The following TTN variants were observed in gnomAD, a reference collection of about 807,000 sequenced individuals.
TTN encodes connectin.
In TTN, 1,525 loss-of-function variants were observed where a neutral mutation model predicts 3,223.0. The ratio of observed to expected loss-of-function variants is 0.47; its 90% CI spans 0.45 to 0.49. The LOEUF (loss-of-function observed/expected upper bound fraction) is 0.49, where lower values mean the gene tolerates loss of function less well. Ranked by LOEUF, TTN falls within the 20% of genes least tolerant of loss-of-function variation. The probability of loss-of-function intolerance (pLI) is 0.00; values close to 1 mark genes in which losing one functional copy is unlikely to be tolerated. For synonymous variants in TTN, 14,094 were observed against 15,161.0 expected (o/e 0.93, Z 5.17); for missense variants, 40,786 against 43,424.0 (o/e 0.94, Z 5.40).
At chr2:178,797,268 T>C (rs2093816503) in intron 6 of TTN, among the ~76,000 whole-genome samples, 1 of 152,150 alleles carries the variant, frequency 6.6e-6, no homozygotes, top group Non-Finnish European at 1.5e-5. Context: ...CTGCTAGACA[T>C]GTTTTTTAAA....
chr2:178,551,955 A>G lies in TTN; in HGVS notation c.90945T>C (p.Ile30315=). The change falls in exon 335 of 363, where the codon ATT becomes ATC. Residue 30315 remains isoleucine, a synonymous_variant. Transcript: ENST00000589042. ...TCCTGAACTGGTGTTTTGCCACAAT[A>G]ATGCTTGAGACAAGTGGTTGGCTGA... is the stretch of plus-strand genomic sequence containing the variant. The part of the protein sequence containing the change: ...YGVSQPLVSS[I]IVAKHQFRIP... 1 of 1,612,552 alleles carries G rather than the reference A, an allele frequency of 6.2e-7. No homozygotes were observed. The highest frequency in any genetic ancestry group is 1.1e-5 in the South Asian group (1 of 91,038).
intron 200 of TTN, 39 bp downstream of exon 200, chr2:178,652,809 G>C: frequency 6.2e-7 from 1 of 1,607,184 alleles, no homozygotes; most frequent in Non-Finnish European, 8.5e-7. Flanking sequence ...AAGAATAGAG[G>C]AGTTTGATCT....
At chr2:178,582,690 C>G in intron 313 of TTN, 98 bp from the exon 314 acceptor site, 1 of 1,218,790 alleles carries the variant, frequency 8.2e-7, no homozygotes, top group Non-Finnish European at 1.1e-6. Flanking sequence ...TTGTCAATTT[C>G]CTATATGACC....
chr2:178,728,792 G>A lies in TTN; in HGVS notation c.19148-14C>T. 2.5e-6 allele frequency: 4 copies of A among 1,588,866 alleles called. No homozygotes were observed. The highest frequency in any genetic ancestry group is 1.7e-4 in the Middle Eastern group (1 of 5,938). On this transcript the variant is annotated splice_polypyrimidine_tract_variant and intron_variant, in intron 65 of 362. Transcript: ENST00000589042. Reference sequence around the variant, plus strand: ...TTTGAGCTGGTTCTGTAGTAAAAATGAAAATGTGGATGAGTTACATTGGTA... The same window carrying A: ...TTTGAGCTGGTTCTGTAGTAAAAATAAAAATGTGGATGAGTTACATTGGTA...
chr2:178,782,867 A>G lies in TTN; in HGVS notation c.3039T>C (p.Phe1013=), dbSNP rs764841674. The change falls in exon 18 of 363, where the codon TTT becomes TTC. Residue 1013 remains phenylalanine (F), a synonymous_variant. Coordinates refer to ENST00000589042, the MANE Select transcript of TTN (RefSeq NM_001267550.2). ...REAFAEDSGR[F]TCSAVNEAGT... is the part of the protein sequence containing the mutation. ...CAGCCTCATTTACAGCACTGCAAGT[A>G]AATCGCCCGCTGTCTTCCGCAAATG... 2 of 1,613,990 alleles carry G rather than the reference A, an allele frequency of 1.2e-6. No homozygotes were observed. The highest frequency in any genetic ancestry group is 3.3e-5 in the Admixed American group (2 of 60,022).
Position 178,548,159 on chromosome 2 carries a change from C to A in TTN, c.93467G>T (p.Gly31156Val). ...TGYLLEMRQK[G>V]SDFWVEAGHT... ...ACCAGCTTCAACCCAGAAGTCAGAT[C>A]CCTTTTGTCTCATTTCAAGCAGGTA... The change falls in exon 339 of 363, where the codon GGA (glycine) becomes GTA (valine). Residue 31156 changes from glycine to valine, a missense_variant. By Grantham distance (109) the Gly-to-Val change is moderately radical (BLOSUM62 -3). Coordinates refer to ENST00000589042, the MANE Select transcript of TTN (RefSeq NM_001267550.2). The surrounding 1 kb of genome is among the most constrained non-coding windows in gnomAD (Gnocchi z 4.3). The A allele has an allele frequency of 5.0e-6, 8 of 1,613,774 alleles. No individual in the cohort carries two copies. Among genetic ancestry groups the A allele is most frequent in the Non-Finnish European group, 6.8e-6 (8 of 1,179,788 alleles).
At chr2:178,794,785 T>C in intron 7 of TTN, 137 bp downstream of exon 7, 1 of 1,195,032 alleles carries the variant, frequency 8.4e-7, no homozygotes, top group Admixed American at 2.0e-5. Context: ...CTACTGAATT[T>C]GGTCTTCAGT....
Position 178,756,622 on chromosome 2 carries a change from T to G in TTN, c.10854A>C (p.Gln3618His), listed in dbSNP as rs79466278. ...YEVQVFESVSQSSIHTAASVQ... is the reference protein window; with the variant it reads ...YEVQVFESVSHSSIHTAASVQ... Reference sequence around the variant, plus strand: ...CAGATGCAGCTGTGTGGATGGAACTTTGAGATACACTTTCAAAAACCTGCA... The same window carrying G: ...CAGATGCAGCTGTGTGGATGGAACTGTGAGATACACTTTCAAAAACCTGCA... The change falls in exon 46 of 363, where the codon CAA becomes CAC. Residue 3618 changes from glutamine to histidine, a missense_variant. Coordinates refer to ENST00000589042, the MANE Select transcript of TTN (RefSeq NM_001267550.2). The G allele has an allele frequency of 6.0e-4, 970 of 1,613,682 alleles. 6 individuals carry two copies. The African/African-American group carries it at 0.011, about 19-fold the overall frequency.
intron 127 of TTN, among the ~76,000 whole-genome samples, chr2:178,686,483 T>C (rs1205785650): frequency 6.6e-6 from 1 of 151,860 alleles, no homozygotes; most frequent in African/African-American, 2.4e-5. Context: ...AGTGGTGTAA[T>C]CACAGCTCAC....
chr2:178,727,063 T>A, intron 69 of TTN, 27 bp downstream of exon 69: 1 of 1,418,840 alleles, frequency 7.0e-7, no homozygotes, highest in Non-Finnish European at 9.3e-7. Context: ...TTTCATTTAA[T>A]GAGAAACACA....
In TTN at chr2:178,688,742, CTCTTT is replaced by C. The variant is rs754654725; in HGVS notation, c.32127_32131del (p.Lys10710IlefsTer4). 1 of 1,613,594 alleles carries C rather than the reference CTCTTT, an allele frequency of 6.2e-7. No individual in the cohort carries two copies. Among genetic ancestry groups the C allele is most frequent in the East Asian group, 2.2e-5 (1 of 44,876 alleles). ...GGATAGTTTTTCTTCAGCAACAAAT[CTCTTT>C]TCTTCTACAACAGTTTTCTTAGAGA... On this transcript the variant is annotated frameshift_variant, in exon 126 of 363. Transcript: ENST00000589042. LOFTEE classifies it high-confidence loss of function.
chr2:178,729,949 A>T lies in TTN; in HGVS notation c.18308-4T>A. On this transcript the variant is annotated splice_polypyrimidine_tract_variant and splice_region_variant and intron_variant, in intron 62 of 362. Transcript: ENST00000589042. Reference sequence around the variant, plus strand: ...TTCTTAATGAATTGAGGAGGTTCTAAAGATGGAAAAAGAATTGTGATGTTG... The same window carrying T: ...TTCTTAATGAATTGAGGAGGTTCTATAGATGGAAAAAGAATTGTGATGTTG... The T allele has an allele frequency of 6.2e-7, 1 of 1,607,996 alleles. No homozygotes were observed. Among genetic ancestry groups the T allele is most frequent in the Non-Finnish European group, 8.5e-7 (1 of 1,177,702 alleles).
chr2:178,772,978 A>G, intron 33 of TTN, 131 bp downstream of exon 33: 1 of 1,186,430 alleles, frequency 8.4e-7, no homozygotes, highest in South Asian at 1.4e-5. Flanking sequence ...TGCAAGTACT[A>G]TTGGCTTTGG....
At chr2:178,742,107 TGCAAAATTATAGATACTGTACA>T (rs1184862733) in intron 47 of TTN, among the ~76,000 whole-genome samples, 186 bp from the exon 48 acceptor site, 1 of 152,082 alleles carries the variant, frequency 6.6e-6, no homozygotes, top group Non-Finnish European at 1.5e-5. Context: ...TATAAAATTA[TGCAAAATTATAGATACTGTACA>T]AAAGCAATTT....
rs1432294105 is a variant in TTN, at chr2:178,611,773, T to G, written c.50536A>C (p.Ile16846Leu). Residue 16846 changes from isoleucine to leucine, a missense_variant, in exon 268 of 363, where the codon ATT becomes CTT. Coordinates refer to ENST00000589042, the MANE Select transcript of TTN (RefSeq NM_001267550.2). ...HPSEPTEILSIEDPTSPPSPP... is the reference protein window; with the variant it reads ...HPSEPTEILSLEDPTSPPSPP... ...CACTACTTACTTGTTGGATCTTCAA[T>G]GGATAGGATTTCTGTGGGTTCACTT... The G allele has an allele frequency of 6.2e-7, 1 of 1,612,030 alleles. No homozygotes were observed. Among genetic ancestry groups the G allele is most frequent in the Non-Finnish European group, 8.5e-7 (1 of 1,178,996 alleles).
In TTN at chr2:178,535,179, G is replaced by C; in HGVS notation, c.101436C>G (p.Thr33812=). The stretch of plus-strand genomic sequence containing the variant: ...TCATATATTTCTCATAGAGTTCCTT[G>C]GTTGAAGAGTGAGATGCTTTAGTCA... ...VSMTKASHSS[T]KELYEKYMIA... Residue 33812 remains threonine, a synonymous_variant, in exon 358 of 363, where the codon ACC becomes ACG. Coordinates refer to ENST00000589042, the MANE Select transcript of TTN (RefSeq NM_001267550.2). The C allele has an allele frequency of 6.2e-7, 1 of 1,613,832 alleles. No homozygotes were observed. The highest frequency in any genetic ancestry group is 8.5e-7 in the Non-Finnish European group (1 of 1,179,854).
rs376278449 is a variant in TTN, at chr2:178,617,392, C to T, written c.47693G>A (p.Arg15898Gln). Residue 15898 changes from arginine to glutamine, a missense_variant, in exon 254 of 363, where the codon CGA becomes CAA. By Grantham distance (43) the Arg-to-Gln change is conservative (BLOSUM62 1). Coordinates refer to ENST00000589042, the MANE Select transcript of TTN (RefSeq NM_001267550.2). ...CCAATTATCTTTTCCTTCTTCGCAT[C>T]GCTCAATTATATAGCCTAATATTGG... is the stretch of plus-strand genomic sequence containing the variant. ...GSPILGYIIE[R>Q]CEEGKDNWIR... is the part of the protein sequence containing the mutation. 7.4e-5 allele frequency: 117 copies of T among 1,589,226 alleles called. No individual in the cohort carries two copies. The highest frequency in any genetic ancestry group is 3.3e-4 in the Middle Eastern group (2 of 6,020).
At position 178,568,454 on chromosome 2, in the gene TTN, G is replaced by A; in HGVS notation, c.77678C>T (p.Pro25893Leu). The change falls in exon 326 of 363, where the codon CCT becomes CTT. Residue 25893 changes from proline to leucine, a missense_variant. Pro to Leu is a moderately conservative substitution (Grantham distance 98, BLOSUM62 -3). Coordinates refer to ENST00000589042, the MANE Select transcript of TTN (RefSeq NM_001267550.2). ...IEIVTLDKPD[P>L]PKGPVKFDDV... Reference sequence around the variant, plus strand: ...ATCAAATTTAACAGGTCCTTTTGGAGGATCAGGTTTATCTAGAGTTACAAT... The same window carrying A: ...ATCAAATTTAACAGGTCCTTTTGGAAGATCAGGTTTATCTAGAGTTACAAT... 1.9e-6 allele frequency: 3 copies of A among 1,613,280 alleles called. No homozygotes were observed. The highest frequency in any genetic ancestry group is 2.5e-6 in the Non-Finnish European group (3 of 1,179,544).
rs150598747 is a variant in TTN at position 178,795,510 on chromosome 2, C to T, written c.915-258G>A. On this transcript the variant is annotated intron_variant, in intron 6 of 362. Transcript: ENST00000589042. ...GGAGATTTTGTGCCTTGCACCTTCT[C>T]ACATTAAAAAAAAAAAAAAATCACA... Among the ~76,000 whole-genome samples, 310 of 146,384 alleles carry T rather than the reference C, an allele frequency of 2.1e-3. 6 individuals carry two copies. The South Asian group carries it at 0.025, about 12-fold the overall frequency.
Sources: allele counts gnomAD v4.1 joint callset (sites outside exome capture counted in the v4.1 genomes callset), GRCh38; gene constraint gnomAD v4.1.1; non-coding constraint Gnocchi (gnomAD v3.1); transcripts MANE v1.5; gene names NCBI Gene and HGNC (gene_info 2026-07-23, HGNC 2026-07-21).